The following KANSL1 variants were observed in gnomAD, a reference collection of about 807,000 sequenced individuals.
KANSL1 encodes MLL1/MLL complex subunit KANSL1.
In KANSL1, 22 loss-of-function variants were observed where a neutral mutation model predicts 103.6. The observed-to-expected ratio is 0.21, with a 90% CI of 0.15 to 0.30. The LOEUF (loss-of-function observed/expected upper bound fraction) is 0.30, where lower values mean the gene tolerates loss of function less well. KANSL1 is among the 10% of genes least tolerant of loss of function. The pLI is 1.00. For synonymous variants in KANSL1, 600 were observed against 527.6 expected, an observed-to-expected ratio of 1.14 and a Z score of -1.88; for missense variants, 1,337 against 1,399.8, an observed-to-expected ratio of 0.96 and a Z score of 0.72.
At chr17:46,219,532 T>C (rs1391367295) in intron 1 of KANSL1, among the ~76,000 whole-genome samples, 1 of 152,148 alleles carries the variant, frequency 6.6e-6, no homozygotes, top group Non-Finnish European at 1.5e-5. Flanking sequence ...CTGGCTAATT[T>C]TCTTTTGTAT....
intron 2 of KANSL1, among the ~76,000 whole-genome samples, chr17:46,147,316 G>A (rs1309133832): frequency 6.6e-6 from 1 of 152,236 alleles, no homozygotes; most frequent in East Asian, 1.9e-4. Context: ...GCTCATGCCT[G>A]TAAACCCAGC....
Position 46,171,672 on chromosome 17 carries a change from C to A in KANSL1, c.472G>T (p.Ala158Ser). The A allele has an allele frequency of 6.4e-7, 1 of 1,552,342 alleles. No homozygotes were observed. The highest frequency in any genetic ancestry group is 8.7e-7 in the Non-Finnish European group (1 of 1,153,876). Residue 158 changes from alanine (A) to serine (S), a missense_variant, in exon 2 of 15, where the codon GCT becomes TCT. Physicochemically the swap from Ala to Ser is moderately conservative, Grantham distance 99 (BLOSUM62 1). Transcript: ENST00000432791. ...ALPQAPVNGL[A>S]KKLTKSSTHS... ...GTTGAACTTTTAGTCAATTTCTTAG[C>A]CAACCCATTTACAGGTGCTTGTGGC...
At chr17:46,143,803 C>CAAAAAAAAAAAAAAAAAAAAAAAAAAA (rs57361021) in intron 2 of KANSL1, among the ~76,000 whole-genome samples, 6 of 85,534 alleles carry the variant, frequency 7.0e-5, no homozygotes, top group Admixed American at 1.3e-4. Context: ...GACTCCATCT[C>CAAAAAAAAAAAAAAAAAAAAAAAAAAA]AAAAAAAAAA....
At chr17:46,167,263 A>G (rs1449444531) in intron 2 of KANSL1, among the ~76,000 whole-genome samples, 1 of 152,126 alleles carries the variant, frequency 6.6e-6, no homozygotes, top group Non-Finnish European at 1.5e-5. Flanking sequence ...AATTAAACAA[A>G]ATTGCAGGGA....
At chr17:46,054,520 TAAATCTTGTTTTA>T (rs2077848169) in intron 6 of KANSL1, among the ~76,000 whole-genome samples, 1 of 152,234 alleles carries the variant, frequency 6.6e-6, no homozygotes, top group African/African-American at 2.4e-5. Context: ...GTAATCAGTG[TAAATCTTGTTTTA>T]AAATCTCAAT....
At chr17:46,138,581 T>A (rs1166904886) in intron 2 of KANSL1, among the ~76,000 whole-genome samples, 1 of 152,250 alleles carries the variant, frequency 6.6e-6, no homozygotes, top group East Asian at 1.9e-4. Flanking sequence ...AACTGTATAA[T>A]GCAAAGATTC....
At position 46,139,858 on chromosome 17, in the gene KANSL1, G is replaced by A. The variant is rs562557041; in HGVS notation, c.1289+30997C>T. Among the ~76,000 whole-genome samples the A allele has an allele frequency of 3.3e-5, 5 of 152,130 alleles. No individual in the cohort carries two copies. The East Asian group carries it at 9.7e-4, about 29-fold the overall frequency. ...GAGGAAGGAATGAAGGGAAAGAAAA[G>A]AAAAGAAAAAGGAGAGAGGGAAGGG... is the stretch of plus-strand genomic sequence containing the variant. On this transcript the variant is annotated intron_variant, in intron 2 of 14. Coordinates refer to ENST00000432791, the MANE Select transcript of KANSL1 (RefSeq NM_015443.4).
At chr17:46,220,347 G>T (rs1199319585) in intron 1 of KANSL1, among the ~76,000 whole-genome samples, 1 of 151,632 alleles carries the variant, frequency 6.6e-6, no homozygotes, top group Non-Finnish European at 1.5e-5. Context: ...CTCCCAAGTA[G>T]CTGCAACTAC....
intron 2 of KANSL1, among the ~76,000 whole-genome samples, chr17:46,117,504 T>A (rs1443567496): frequency 6.6e-6 from 1 of 152,246 alleles, no homozygotes; most frequent in Admixed American, 6.5e-5. Context: ...GTTAAATAGA[T>A]ATTAGTGATG....
chr17:46,133,770 C>A (rs765740484), intron 2 of KANSL1, among the ~76,000 whole-genome samples: 1 of 152,028 alleles, frequency 6.6e-6, no homozygotes, highest in Non-Finnish European at 1.5e-5. Flanking sequence ...AGTTTTTTAA[C>A]CAAAGAAATG....
chr17:46,164,035 A>C (rs2045877250), intron 2 of KANSL1, among the ~76,000 whole-genome samples: 2 of 152,226 alleles, frequency 1.3e-5, no homozygotes, highest in Non-Finnish European at 2.9e-5. Context: ...TGTTCTAAAC[A>C]TTCATCTTTG....
chr17:46,038,834 G>A (rs1341172083), intron 9 of KANSL1, 148 bp from the exon 10 acceptor site: 1 of 1,190,022 alleles, frequency 8.4e-7, no homozygotes, highest in Non-Finnish European at 1.2e-6. Flanking sequence ...ACTAGCTGTG[G>A]GAAGTAGGGG....
At chr17:46,100,506 A>AT (rs1399303712) in intron 2 of KANSL1, among the ~76,000 whole-genome samples, 2 of 151,790 alleles carry the variant, frequency 1.3e-5, no homozygotes, top group South Asian at 2.1e-4. Context: ...AAAGTAATTA[A>AT]TTTTTTTCCT....
At position 46,066,559 on chromosome 17, in the gene KANSL1, C is replaced by T. The variant is rs138698439; in HGVS notation, c.1826G>A (p.Ser609Asn). ...GACCTTCTTGGAAAGAGGAACGATG[C>T]TGTTGGGTCGAACAAGCCTCCGCTT... ...CKKRRLVRPN[S>N]IVPLSKKVHR... Residue 609 changes from serine to asparagine, a missense_variant, in exon 6 of 15, where the codon AGC becomes AAC. Ser to Asn is a conservative substitution (Grantham distance 46). This residue lies in a region of KANSL1 where 780 missense variants were observed against 923.4 expected (regional missense o/e 0.84). Coordinates refer to ENST00000432791, the MANE Select transcript of KANSL1 (RefSeq NM_015443.4). 611 of 1,613,310 alleles carry T rather than the reference C, an allele frequency of 3.8e-4. 2 individuals carry two copies. In the African/African-American group the frequency reaches 4.6e-3, roughly 12 times the overall value.
At chr17:46,198,270 C>A (rs1213999258), upstream of KANSL1, among the ~76,000 whole-genome samples, 3 of 151,792 alleles carry the variant, frequency 2.0e-5, no homozygotes, top group African/African-American at 7.3e-5. Context: ...TACCACCTAC[C>A]TCTTAAGTTT....
chr17:46,136,245 TA>T (rs1421818301), intron 2 of KANSL1, among the ~76,000 whole-genome samples: 1 of 152,218 alleles, frequency 6.6e-6, no homozygotes, highest in East Asian at 1.9e-4. Flanking sequence ...TCCTAATCTA[TA>T]CATTCTTTAA....
At chr17:46,197,595 A>T (rs919689035), upstream of KANSL1, among the ~76,000 whole-genome samples, 3 of 152,262 alleles carry the variant, frequency 2.0e-5, no homozygotes, top group Non-Finnish European at 1.5e-5. Context: ...GTGAGCCAAG[A>T]TCACACCACT....
chr17:46,152,573 T>C (rs562450080), intron 2 of KANSL1, among the ~76,000 whole-genome samples: 10 of 101,944 alleles, frequency 9.8e-5, no homozygotes, highest in East Asian at 4.2e-4. Context: ...ATACTGACAA[T>C]AGACACAAAG....
At chr17:46,225,207 C>A, upstream of KANSL1, 1 of 154,976 alleles carries the variant, frequency 6.5e-6, no homozygotes, top group Non-Finnish European at 1.4e-5. Context: ...GGCCCCCCGC[C>A]TCCCAGCCGG....
Sources: allele counts gnomAD v4.1 joint callset (sites outside exome capture counted in the v4.1 genomes callset), GRCh38; gene constraint gnomAD v4.1.1; regional missense constraint gnomAD v4.1.1; transcripts MANE v1.5; gene names NCBI Gene and HGNC (gene_info 2026-07-23, HGNC 2026-07-21).